Variants in HMCN1 observed in about 807,000 individuals in gnomAD.
HMCN1 encodes the protein hemicentin 1.
HMCN1 carries 321 observed loss-of-function variants against 625.9 expected under a neutral mutation model. The observed-to-expected ratio is 0.51, with a 90% confidence interval of 0.47 to 0.56. HMCN1 has a LOEUF of 0.56. Among genes scored for constraint, HMCN1 ranks in the 20% least tolerant of loss-of-function variants. HMCN1 has a pLI of 0.00. For missense variants in HMCN1, 6,588 were observed against 6,887.3 expected (o/e 0.96, Z 1.54); for synonymous variants, 2,425 against 2,417.6 (o/e 1.00, Z -0.09).
intron 1 of HMCN1, among the ~76,000 whole-genome samples, chr1:185,814,415 C>A (rs893589929): frequency 6.6e-6 from 1 of 152,076 alleles, no homozygotes; most frequent in African/African-American, 2.4e-5. Context: ...TAATAACAGA[C>A]AAACAAAGTT....
chr1:185,967,269 G>A lies in HMCN1; in HGVS notation c.2212+1354G>A, dbSNP rs542166567. On this transcript the variant is annotated intron_variant, in intron 14 of 106. Coordinates refer to ENST00000271588, the MANE Select transcript of HMCN1 (RefSeq NM_031935.3). ...ACAGTCTTTTATTCCCCCAAACTGG[G>A]ACTGTGCTCCTTAATCAATTAGTCT... 1.6e-4 allele frequency among the ~76,000 whole-genome samples: 25 copies of A among 152,150 alleles called. No individual in the cohort carries two copies. The South Asian group carries it at 5.2e-3, about 32-fold the overall frequency.
intron 1 of HMCN1, among the ~76,000 whole-genome samples, chr1:185,801,715 C>G (rs576669122): frequency 4.0e-4 from 61 of 152,164 alleles, no homozygotes; most frequent in African/African-American, 1.3e-3. Flanking sequence ...GAAGAACAAT[C>G]TAGGGAACGG....
chr1:185,835,591 T>C (rs770556715), intron 1 of HMCN1, among the ~76,000 whole-genome samples: 4 of 152,082 alleles, frequency 2.6e-5, no homozygotes, highest in Admixed American at 6.6e-5. Flanking sequence ...GGATAATTTC[T>C]AAATCTAGGA....
chr1:186,172,093 C>T lies in HMCN1; in HGVS notation c.15776C>T (p.Pro5259Leu). Reference protein sequence around the residue: ...RGGYKCIDLCPNGMTKAENGT... With the variant: ...RGGYKCIDLCLNGMTKAENGT... ...GGCTATAAGTGCATTGATCTTTGTC[C>T]AAATGGAATGACCAAGGCAGAAAAT... Residue 5259 changes from proline to leucine, a missense_variant, in exon 102 of 107, where the codon CCA (proline) becomes CTA (leucine). By Grantham distance (98) the Pro-to-Leu change is moderately conservative. Around this residue, in one of 3 missense-constraint regions of HMCN1, gnomAD observed 1,954 missense variants for 2,013.1 expected, o/e 0.97. Coordinates refer to ENST00000271588, the MANE Select transcript of HMCN1 (RefSeq NM_031935.3). 8.1e-6 allele frequency: 13 copies of T among 1,613,750 alleles called. No individual in the cohort carries two copies. The highest frequency in any genetic ancestry group is 1.0e-5 in the Non-Finnish European group (12 of 1,179,772).
intron 66 of HMCN1, 112 bp downstream of exon 66, chr1:186,093,781 T>C (rs1659974505): frequency 2.1e-6 from 3 of 1,419,488 alleles, no homozygotes; most frequent in Non-Finnish European, 2.9e-6. Context: ...CTTTACAGTT[T>C]TTTTCCCTTT....
At chr1:185,843,726 C>A (rs181943540) in intron 1 of HMCN1, among the ~76,000 whole-genome samples, 1 of 152,286 alleles carries the variant, frequency 6.6e-6, no homozygotes. Context: ...CAAGCTATTA[C>A]CTCTCCTGAG....
At chr1:186,179,483 T>A (rs958605824) in intron 104 of HMCN1, among the ~76,000 whole-genome samples, 3 of 139,732 alleles carry the variant, frequency 2.1e-5, no homozygotes, top group African/African-American at 6.2e-5. Context: ...TTTAACTCAA[T>A]TTTCTGTGAA....
intron 4 of HMCN1, among the ~76,000 whole-genome samples, chr1:185,893,035 G>T (rs988440486): frequency 1.3e-5 from 2 of 152,176 alleles, no homozygotes; most frequent in African/African-American, 4.8e-5. Context: ...TAAGCAGGTC[G>T]GAAAAGCGCA....
At chr1:186,005,028 C>T (rs940781655) in intron 29 of HMCN1, among the ~76,000 whole-genome samples, 5 of 151,686 alleles carry the variant, frequency 3.3e-5, no homozygotes, top group Non-Finnish European at 2.9e-5. Flanking sequence ...TATATTAAAA[C>T]TTTAGATATC....
chr1:186,037,724 CAG>C (rs1051625240), intron 36 of HMCN1, among the ~76,000 whole-genome samples: 53 of 152,026 alleles, frequency 3.5e-4, no homozygotes, highest in Non-Finnish European at 1.0e-4. Context: ...TATCTGGACA[CAG>C]AGAAATGTGT....
In HMCN1 at chr1:185,843,484, C is replaced by T. The variant is rs149521100; in HGVS notation, c.269-2542C>T. Among the ~76,000 whole-genome samples, 12 of 152,194 alleles carry T rather than the reference C, an allele frequency of 7.9e-5. 1 individual carries two copies. The highest frequency in any genetic ancestry group is 2.2e-4 in the African/African-American group (9 of 41,518). On this transcript the variant is annotated intron_variant, in intron 1 of 106. Transcript: ENST00000271588. ...GCAGGAAGAGAGGACAAAGTTGTACCTGCTGAATGTCATCAAAGGCTTGGC... is the reference window on the plus strand; with the variant it reads ...GCAGGAAGAGAGGACAAAGTTGTACTTGCTGAATGTCATCAAAGGCTTGGC...
intron 11 of HMCN1, among the ~76,000 whole-genome samples, chr1:185,951,147 T>TGG (rs1294846324): frequency 6.7e-6 from 1 of 150,030 alleles, no homozygotes; most frequent in Non-Finnish European, 1.5e-5. Flanking sequence ...TGGGTTAAGG[T>TGG]GGGGGGATAC....
intron 32 of HMCN1, 85 bp downstream of exon 32, chr1:186,016,324 A>G: frequency 1.5e-6 from 2 of 1,309,522 alleles, no homozygotes; most frequent in Non-Finnish European, 2.2e-6. Context: ...TCATGCAATA[A>G]TAAAACAATC....
intron 1 of HMCN1, among the ~76,000 whole-genome samples, chr1:185,810,952 G>C (rs186856189): frequency 6.6e-6 from 1 of 151,850 alleles, no homozygotes; most frequent in Non-Finnish European, 1.5e-5. Flanking sequence ...AAATCTAAAC[G>C]TTTTTCCTTC....
chr1:186,063,096 A>ATATATATATATATATATG lies in HMCN1; in HGVS notation c.7513+503_7513+504insATATATATATGTATATAT, dbSNP rs1185102259. ...TATATATATATATATATATATATAT[A>ATATATATATATATATATG]TATATATCACATTTTCATTACCCAA... On this transcript the variant is annotated intron_variant, in intron 48 of 106. Transcript: ENST00000271588. Among the ~76,000 whole-genome samples the ATATATATATATATATATG allele has an allele frequency of 4.2e-3, 484 of 115,358 alleles. 24 individuals are homozygous for ATATATATATATATATATG. Among genetic ancestry groups the ATATATATATATATATATG allele is most frequent in the African/African-American group, 0.014 (375 of 26,178 alleles). 75.7% of individuals were successfully genotyped at this position (115,358 alleles called of 152,430 possible).
At chr1:185,737,337 C>G (rs1482926205) in intron 1 of HMCN1, among the ~76,000 whole-genome samples, 1 of 151,762 alleles carries the variant, frequency 6.6e-6, no homozygotes, top group African/African-American at 2.4e-5. Context: ...TTCATAGAGA[C>G]AGGGGTTCCA....
intron 39 of HMCN1, among the ~76,000 whole-genome samples, chr1:186,040,211 A>T (rs2102232797): frequency 6.6e-6 from 1 of 152,266 alleles, no homozygotes; most frequent in South Asian, 2.1e-4. Context: ...TTAATAAGAA[A>T]ATAGGAATTT....
At position 186,088,704 on chromosome 1, in the gene HMCN1, G is replaced by T. The variant is rs1343012503; in HGVS notation, c.9676G>T (p.Ala3226Ser). 1 of 1,611,266 alleles carries T rather than the reference G, an allele frequency of 6.2e-7. No homozygotes were observed. Among genetic ancestry groups the T allele is most frequent in the Non-Finnish European group, 8.5e-7 (1 of 1,178,370 alleles). The change falls in exon 63 of 107, where the codon GCT (alanine) becomes TCT (serine). Residue 3226 changes from alanine (A) to serine (S), a missense_variant. Around this residue, in one of 3 missense-constraint regions of HMCN1, gnomAD observed 4,628 missense variants for 4,853.1 expected, o/e 0.95. Coordinates refer to ENST00000271588, the MANE Select transcript of HMCN1 (RefSeq NM_031935.3). Reference protein sequence around the residue: ...HSDSGNYTCIASNMEGKAQKY... With the variant: ...HSDSGNYTCISSNMEGKAQKY... ...AGATAGTGGAAACTATACATGTATTGCTTCAAATATGGAGGGAAAAGCCCA... is the reference window on the plus strand; with the variant it reads ...AGATAGTGGAAACTATACATGTATTTCTTCAAATATGGAGGGAAAAGCCCA...
chr1:186,158,999 C>T (rs376368363), intron 97 of HMCN1, among the ~76,000 whole-genome samples: 20 of 151,582 alleles, frequency 1.3e-4, no homozygotes, highest in East Asian at 7.8e-4. Flanking sequence ...GGGATGGCAT[C>T]GAATCTATAA....
Sources: gnomAD v4.1 joint callset for allele counts (sites outside exome capture counted in the v4.1 genomes callset) on GRCh38, gnomAD v4.1.1 for gene constraint, gnomAD v4.1.1 regional missense constraint, MANE v1.5 for transcripts, NCBI Gene and HGNC (gene_info 2026-07-23, HGNC 2026-07-21) for gene names.